The following PTPN2 variants were observed in gnomAD, a reference collection of about 807,000 sequenced individuals.
The protein encoded by PTPN2 is tyrosine-protein phosphatase non-receptor type 2.
PTPN2 carries 19 observed loss-of-function variants against 57.3 expected under a neutral mutation model. That is an observed-to-expected ratio of 0.33 (90% confidence interval 0.23 to 0.49). The LOEUF is 0.49. Among genes scored for constraint, PTPN2 ranks in the 20% least tolerant of loss-of-function variants. The pLI, the probability that PTPN2 is intolerant of heterozygous loss-of-function variation, is 0.99. For synonymous variants in PTPN2, 153 were observed against 164.9 expected, an observed-to-expected ratio of 0.93 and a Z score of 0.55; for missense variants, 358 against 501.1, an observed-to-expected ratio of 0.71 and a Z score of 2.73.
At chr18:12,871,349 C>T (rs977963865) in intron 1 of PTPN2, among the ~76,000 whole-genome samples, 1 of 152,048 alleles carries the variant, frequency 6.6e-6, no homozygotes, top group Non-Finnish European at 1.5e-5. Flanking sequence ...TATTAATGAA[C>T]TTTTTCATCT....
chr18:12,870,450 T>C (rs1347399824), intron 1 of PTPN2, among the ~76,000 whole-genome samples: 6 of 34,430 alleles, frequency 1.7e-4, no homozygotes, highest in Non-Finnish European at 2.9e-4. Context: ...TGTATATATA[T>C]ATATATATAT....
chr18:12,869,161 A>G (rs1340720430), intron 1 of PTPN2: 1 of 152,210 alleles, frequency 6.6e-6, no homozygotes, highest in Non-Finnish European at 1.5e-5. Flanking sequence ...AAAATAAACA[A>G]GTAAAATTTT....
intron 3 of PTPN2, among the ~76,000 whole-genome samples, chr18:12,833,776 C>G (rs1290466058): frequency 2.6e-5 from 4 of 151,946 alleles, no homozygotes; most frequent in African/African-American, 9.7e-5. Context: ...AAGCGAGGGG[C>G]AATAGAAGAT....
intron 1 of PTPN2, among the ~76,000 whole-genome samples, chr18:12,880,906 C>T (rs2044646588): frequency 6.6e-6 from 1 of 152,224 alleles, no homozygotes; most frequent in African/African-American, 2.4e-5. Flanking sequence ...AGCTTCATTT[C>T]AGTGTCTCGC....
intron 9 of PTPN2, chr18:12,786,012 G>C: frequency 1.7e-6 from 1 of 597,406 alleles, no homozygotes; most frequent in Non-Finnish European, 2.9e-6. Context: ...GTTATCTTAG[G>C]GTAAAACGGC....
chr18:12,791,177 G>A (rs2040975013), downstream of PTPN2, among the ~76,000 whole-genome samples: 1 of 152,056 alleles, frequency 6.6e-6, no homozygotes, highest in Non-Finnish European at 1.5e-5. Context: ...GGTTAATATT[G>A]GAAAGGAATA....
chr18:12,868,133 G>A (rs188845801), intron 1 of PTPN2, among the ~76,000 whole-genome samples: 6 of 152,278 alleles, frequency 3.9e-5, no homozygotes, highest in East Asian at 3.9e-4. Context: ...ACTGCGCTTT[G>A]GTCACTTCAA....
At chr18:12,803,355 C>A (rs1303231039) in intron 7 of PTPN2, among the ~76,000 whole-genome samples, 1 of 151,990 alleles carries the variant, frequency 6.6e-6, no homozygotes, top group Non-Finnish European at 1.5e-5. Context: ...AAACAGAAAA[C>A]AATTAACAAA....
intron 8 of PTPN2, among the ~76,000 whole-genome samples, chr18:12,799,452 T>A (rs1342039525): frequency 6.6e-6 from 1 of 152,038 alleles, no homozygotes; most frequent in Non-Finnish European, 1.5e-5. Flanking sequence ...AACTTGAAAT[T>A]CTTTTGATAA....
chr18:12,791,133 AACTC>A (rs1360291778), downstream of PTPN2, among the ~76,000 whole-genome samples: 1 of 152,238 alleles, frequency 6.6e-6, no homozygotes, highest in African/African-American at 2.4e-5. Context: ...GCATAGATAA[AACTC>A]AGTCATAGGC....
At chr18:12,871,684 G>C (rs2044272860) in intron 1 of PTPN2, among the ~76,000 whole-genome samples, 1 of 151,816 alleles carries the variant, frequency 6.6e-6, no homozygotes. Flanking sequence ...TTTCTCCATT[G>C]TTTTCTTATA....
At chr18:12,836,759 T>C (rs748071100) in intron 3 of PTPN2, 32 bp downstream of exon 3, 2 of 1,344,784 alleles carry the variant, frequency 1.5e-6, no homozygotes, top group Non-Finnish European at 1.1e-6. Flanking sequence ...ACACATCATT[T>C]TCAGACATTT....
At chr18:12,876,315 A>AAGAAGAAGAAGAAGAAGAAGAAGAAAT (rs1555681239) in intron 1 of PTPN2, among the ~76,000 whole-genome samples, 12 of 150,980 alleles carry the variant, frequency 7.9e-5, no homozygotes, top group African/African-American at 2.7e-4. Context: ...GAAGAAGAAG[A>AAGAAGAAGAAGAAGAAGAAGAAGAAAT]AATTTGTCAG....
intron 5 of PTPN2, chr18:12,818,803 T>C (rs972698262): frequency 6.6e-6 from 1 of 152,144 alleles, no homozygotes; most frequent in Non-Finnish European, 1.5e-5. Context: ...TTTAAAAATA[T>C]AAATTTTCGG....
In PTPN2 at chr18:12,835,382, C is replaced by CTTTTTTTTTTTTTTTTTTTT. The variant is rs60239177; in HGVS notation, c.261+1408_261+1409insAAAAAAAAAAAAAAAAAAAA. ...CTGCAATGAACATGATCACATATGT[C>CTTTTTTTTTTTTTTTTTTTT]TTTTTTTTTTTTTTGGACAGTTTTG... On this transcript the variant is annotated intron_variant, in intron 3 of 8. Transcript: ENST00000309660. Among the ~76,000 whole-genome samples, 39 of 99,016 alleles carry CTTTTTTTTTTTTTTTTTTTT rather than the reference C, an allele frequency of 3.9e-4. 3 individuals carry two copies. Among genetic ancestry groups the CTTTTTTTTTTTTTTTTTTTT allele is most frequent in the African/African-American group, 1.6e-3 (38 of 23,908 alleles). The allele number at this position is 99,016 out of a possible 152,430, so 65.0% of individuals were successfully genotyped here. A position where few individuals can be genotyped will look rare whatever the true frequency, so the allele number is the denominator to read the frequency against.
In PTPN2 at chr18:12,825,890, T is replaced by C. The variant is rs1400124644; in HGVS notation, c.415A>G (p.Thr139Ala). Residue 139 changes from threonine (T) to alanine (A), a missense_variant, in exon 5 of 9, where the codon ACA becomes GCA. By Grantham distance (58) the Thr-to-Ala change is moderately conservative. Around this residue, in one of 4 missense-constraint regions of PTPN2, gnomAD observed 193 missense variants for 315.4 expected, o/e 0.61. Transcript: ENST00000309660. ...TDDQEMLFKE[T>A]GFSVKLLSED... ...GACAAGAGCTTCACACTGAATCCTGTTTCTTTAAACAGCATCTCTTGGTCA... is the reference window on the plus strand; with the variant it reads ...GACAAGAGCTTCACACTGAATCCTGCTTCTTTAAACAGCATCTCTTGGTCA... 1.2e-6 allele frequency: 2 copies of C among 1,611,378 alleles called. No individual in the cohort carries two copies. Among genetic ancestry groups the C allele is most frequent in the Middle Eastern group, 1.8e-4 (1 of 5,590 alleles).
intron 7 of PTPN2, among the ~76,000 whole-genome samples, chr18:12,806,595 G>A (rs73404420): frequency 0.15 from 23,026 of 151,946 alleles, 1,947 homozygotes; most frequent in African/African-American, 0.21. Context: ...ATAAGAACAG[G>A]TATAAAGACC....
At chr18:12,875,010 C>G (rs1161523112) in intron 1 of PTPN2, among the ~76,000 whole-genome samples, 1 of 152,080 alleles carries the variant, frequency 6.6e-6, no homozygotes, top group Admixed American at 6.5e-5. Context: ...ACCTTACCCC[C>G]CAACCCTGTG....
intron 7 of PTPN2, among the ~76,000 whole-genome samples, chr18:12,805,053 G>C (rs2041590248): frequency 6.6e-6 from 1 of 152,188 alleles, no homozygotes; most frequent in African/African-American, 2.4e-5. Context: ...AGGGATGAAA[G>C]GATGGTTCAA....
Sources: allele counts gnomAD v4.1 joint callset (sites outside exome capture counted in the v4.1 genomes callset), GRCh38; gene constraint gnomAD v4.1.1; regional missense constraint gnomAD v4.1.1; transcripts MANE v1.5; gene names NCBI Gene and HGNC (gene_info 2026-07-23, HGNC 2026-07-21).